Variants in DDX10 observed in about 807,000 individuals in gnomAD.
DDX10 encodes probable ATP-dependent RNA helicase DDX10.
A neutral mutation model predicts 104.3 loss-of-function variants in DDX10; 74 were observed. The observed-to-expected ratio is 0.71, with a 90% CI of 0.59 to 0.86. The LOEUF is 0.86. Ranked by LOEUF, DDX10 falls within the 40% of genes least tolerant of loss-of-function variation. The probability of loss-of-function intolerance (pLI) is 0.00; values close to 1 mark genes in which losing one functional copy is unlikely to be tolerated. For missense variants in DDX10, 952 were observed against 1,040.0 expected, an observed-to-expected ratio of 0.92 and a Z score of 1.16; for synonymous variants, 351 against 353.4, an observed-to-expected ratio of 0.99 and a Z score of 0.08.
At chr11:108,837,433 A>G (rs530887495) in intron 13 of DDX10, among the ~76,000 whole-genome samples, 19 of 152,026 alleles carry the variant, frequency 1.2e-4, no homozygotes, top group Non-Finnish European at 2.4e-4. Flanking sequence ...AAAGCAGGTT[A>G]TGCTATGACC....
At chr11:108,712,421 CTG>C (rs1286789327) in intron 10 of DDX10, among the ~76,000 whole-genome samples, 2 of 151,798 alleles carry the variant, frequency 1.3e-5, no homozygotes, top group Non-Finnish European at 2.9e-5. Context: ...CATTTTATGA[CTG>C]TTTTCTCTCC....
Position 108,719,855 on chromosome 11 carries a change from T to G in DDX10, c.1469T>G (p.Val490Gly), listed in dbSNP as rs1250014515. Residue 490 changes from valine to glycine, a missense_variant, in exon 12 of 18, where the codon GTG becomes GGG. By Grantham distance (109) the Val-to-Gly change is moderately radical. Around this residue, in one of 3 missense-constraint regions of DDX10, gnomAD observed 533 missense variants for 534.1 expected, o/e 1.00. Coordinates refer to ENST00000322536, the MANE Select transcript of DDX10 (RefSeq NM_004398.4). Reference sequence around the variant, plus strand: ...ATGAAGGATAAAGAAGTATTTGATGTGAGCAAGTTACCTATACCTGAATAT... The same window carrying G: ...ATGAAGGATAAAGAAGTATTTGATGGGAGCAAGTTACCTATACCTGAATAT... ...YLMKDKEVFD[V>G]SKLPIPEYAL... is the part of the protein sequence containing the mutation. 2 of 1,603,754 alleles carry G rather than the reference T, an allele frequency of 1.2e-6. No homozygotes were observed. Among genetic ancestry groups the G allele is most frequent in the Middle Eastern group, 1.7e-4 (1 of 6,046 alleles).
At chr11:108,826,217 T>C (rs1032107726) in intron 13 of DDX10, among the ~76,000 whole-genome samples, 4 of 152,204 alleles carry the variant, frequency 2.6e-5, no homozygotes, top group African/African-American at 9.6e-5. Context: ...AATGGTCTTA[T>C]GCTTAAATGT....
chr11:108,715,042 G>GC, intron 10 of DDX10, among the ~76,000 whole-genome samples: 1 of 129,526 alleles, frequency 7.7e-6, no homozygotes, highest in East Asian at 2.9e-4. Flanking sequence ...CTTTTGTGAA[G>GC]CCTAGACCTC....
At chr11:108,683,363 C>T (rs770957034) in intron 6 of DDX10, among the ~76,000 whole-genome samples, 84 of 152,112 alleles carry the variant, frequency 5.5e-4, no homozygotes, top group Non-Finnish European at 1.1e-3. Flanking sequence ...CTGGGACTTG[C>T]GACTGATGTG....
intron 13 of DDX10, among the ~76,000 whole-genome samples, chr11:108,819,119 C>CT (rs1156675172): frequency 1.7e-4 from 26 of 152,192 alleles, no homozygotes; most frequent in Admixed American, 1.4e-3. Flanking sequence ...TTCAAATTGC[C>CT]TTTTTTTCAT....
In DDX10 at chr11:108,752,772, G is replaced by A. The variant is rs147446412; in HGVS notation, c.1965+29310G>A. Among the ~76,000 whole-genome samples, 1,252 of 152,114 alleles carry A rather than the reference G, an allele frequency of 8.2e-3. 23 individuals carry two copies. The highest frequency in any genetic ancestry group is 0.028 in the African/African-American group (1,181 of 41,498). ...ATTTTTCCAATACCAAACCATAAAC[G>A]TAGCCTAATATTTTTGCCATTGTGA... On this transcript the variant is annotated intron_variant, in intron 13 of 17. Transcript: ENST00000322536.
intron 13 of DDX10, among the ~76,000 whole-genome samples, chr11:108,810,364 G>A (rs764007358): frequency 5.3e-5 from 8 of 151,858 alleles, no homozygotes; most frequent in Non-Finnish European, 1.2e-4. Flanking sequence ...TTTTTAATTA[G>A]GTGTTATTTG....
chr11:108,703,606 G>A (rs192153277), intron 9 of DDX10, among the ~76,000 whole-genome samples: 3 of 152,306 alleles, frequency 2.0e-5, no homozygotes, highest in Admixed American at 2.0e-4. Context: ...GGGATTACAG[G>A]CCTGAGCCAC....
chr11:108,874,648 A>G (rs1225617369), intron 16 of DDX10, among the ~76,000 whole-genome samples: 3 of 152,114 alleles, frequency 2.0e-5, no homozygotes, highest in Non-Finnish European at 4.4e-5. Flanking sequence ...CTGGGACTAC[A>G]AGTGACAGTT....
chr11:108,885,074 C>G (rs1178951557), intron 16 of DDX10, among the ~76,000 whole-genome samples: 1 of 152,170 alleles, frequency 6.6e-6, no homozygotes, highest in African/African-American at 2.4e-5. Flanking sequence ...TACAGACATT[C>G]TAATCTCCAC....
intron 13 of DDX10, among the ~76,000 whole-genome samples, chr11:108,806,468 A>G (rs1862102631): frequency 6.6e-6 from 1 of 152,156 alleles, no homozygotes; most frequent in Non-Finnish European, 1.5e-5. Context: ...AGCTTTTATT[A>G]TGTGCCAGAC....
At chr11:108,757,113 G>A (rs768935105) in intron 13 of DDX10, among the ~76,000 whole-genome samples, 2 of 151,080 alleles carry the variant, frequency 1.3e-5, no homozygotes, top group Non-Finnish European at 2.9e-5. Context: ...TGAGGAAGGC[G>A]CTGTAAAGTC....
chr11:108,686,069 T>C (rs978904839), intron 6 of DDX10, among the ~76,000 whole-genome samples: 3 of 152,228 alleles, frequency 2.0e-5, no homozygotes, highest in Non-Finnish European at 2.9e-5. Flanking sequence ...CCTATAGATA[T>C]GGCCTATTTC....
chr11:108,802,622 C>T (rs1484073760), intron 13 of DDX10, among the ~76,000 whole-genome samples: 4 of 152,090 alleles, frequency 2.6e-5, no homozygotes, highest in Admixed American at 2.6e-4. Context: ...ACTTTTTTCT[C>T]TGAGACTGTG....
At chr11:108,841,609 T>A (rs1862639841) in intron 15 of DDX10, 133 bp downstream of exon 15, 2 of 864,198 alleles carry the variant, frequency 2.3e-6, no homozygotes, top group South Asian at 4.1e-5. Context: ...TTTCTGTGGC[T>A]ACTCTTTTTT....
intron 16 of DDX10, among the ~76,000 whole-genome samples, chr11:108,900,073 C>G (rs964855525): frequency 6.6e-6 from 1 of 151,972 alleles, no homozygotes; most frequent in Non-Finnish European, 1.5e-5. Context: ...AAATGCGTCA[C>G]TGCACTCCAG....
chr11:108,871,780 T>G (rs566135463), intron 16 of DDX10, among the ~76,000 whole-genome samples: 2 of 152,086 alleles, frequency 1.3e-5, no homozygotes, highest in African/African-American at 4.8e-5. Flanking sequence ...AATACAAAAC[T>G]AGCCGGGAGT....
intron 7 of DDX10, chr11:108,690,229 A>T (rs2094250311): frequency 6.6e-6 from 1 of 152,286 alleles, no homozygotes; most frequent in Non-Finnish European, 1.5e-5. Flanking sequence ...TCTAGGTGCT[A>T]GGAAATGATT....
Sources: gnomAD v4.1 joint callset for allele counts (sites outside exome capture counted in the v4.1 genomes callset) on GRCh38, gnomAD v4.1.1 for gene constraint, gnomAD v4.1.1 regional missense constraint, MANE v1.5 for transcripts, NCBI Gene and HGNC (gene_info 2026-07-23, HGNC 2026-07-21) for gene names.